DMRT1: variants seen among roughly 807,000 people sequenced by gnomAD.
The protein encoded by DMRT1 is doublesex and mab-3 related transcription factor 1.
Under a neutral mutation model 32.3 loss-of-function variants are expected in DMRT1, and 7 were observed. That is an observed-to-expected ratio of 0.22 (90% confidence interval 0.12 to 0.41). DMRT1 has a LOEUF of 0.41. Among genes scored for constraint, DMRT1 ranks in the 10% least tolerant of loss-of-function variants. The probability of loss-of-function intolerance (pLI) is 1.00; values close to 1 mark genes in which losing one functional copy is unlikely to be tolerated. For synonymous variants in DMRT1, 278 were observed against 206.1 expected (o/e 1.35, Z -2.99); for missense variants, 625 against 500.5 (o/e 1.25, Z -2.37).
intron 2 of DMRT1, among the ~76,000 whole-genome samples, chr9:861,423 T>G (rs1182015559): frequency 6.6e-6 from 1 of 150,582 alleles, no homozygotes; most frequent in African/African-American, 2.5e-5. Flanking sequence ...GCAGAAGAAT[T>G]TTTCCTAGTA....
chr9:876,501 C>T (rs1022864633), intron 2 of DMRT1, among the ~76,000 whole-genome samples: 2 of 151,152 alleles, frequency 1.3e-5, no homozygotes, highest in South Asian at 2.1e-4. Context: ...TTCCAGGAAA[C>T]TGCTAGGTTG....
chr9:963,537 G>A (rs1819842201), intron 4 of DMRT1, among the ~76,000 whole-genome samples: 2 of 152,086 alleles, frequency 1.3e-5, no homozygotes, highest in African/African-American at 4.8e-5. Flanking sequence ...TAGAGTGCAG[G>A]CATGAACTGG....
chr9:851,959 T>C (rs1815159737), intron 2 of DMRT1, among the ~76,000 whole-genome samples: 1 of 133,772 alleles, frequency 7.5e-6, no homozygotes, highest in South Asian at 2.4e-4. Context: ...TTTTTTTTTT[T>C]GAGACAGTCT....
At chr9:885,908 G>C (rs1008835560) in intron 2 of DMRT1, among the ~76,000 whole-genome samples, 1 of 152,120 alleles carries the variant, frequency 6.6e-6, no homozygotes, top group African/African-American at 2.4e-5. Flanking sequence ...AAAGAGTGCT[G>C]CTAGCTTTCT....
rs796686608 is a variant in DMRT1 at position 922,323 on chromosome 9, G to C, written c.967+5416G>C. ...AGACTGTTTGAAGATCACTTGTCTA[G>C]TGCCCAGATGGAGGGTTGGCTTATA... On this transcript the variant is annotated intron_variant, in intron 4 of 4. Coordinates refer to ENST00000382276, the MANE Select transcript of DMRT1 (RefSeq NM_021951.3). Among the ~76,000 whole-genome samples, 8 of 152,274 alleles carry C rather than the reference G, an allele frequency of 5.3e-5. 1 individual carries two copies. The highest frequency in any genetic ancestry group is 1.9e-4 in the African/African-American group (8 of 41,566).
At chr9:873,811 A>G (rs999136973) in intron 2 of DMRT1, among the ~76,000 whole-genome samples, 1 of 152,206 alleles carries the variant, frequency 6.6e-6, no homozygotes, top group African/African-American at 2.4e-5. Flanking sequence ...CTAAGGCTAA[A>G]GATGACCTGC....
At chr9:954,279 C>G (rs934222820) in intron 4 of DMRT1, among the ~76,000 whole-genome samples, 9 of 152,104 alleles carry the variant, frequency 5.9e-5, no homozygotes, top group Non-Finnish European at 1.3e-4. Flanking sequence ...GGAAGCGTAA[C>G]AGCCACCAGG....
chr9:966,927 A>G (rs1819949005), intron 4 of DMRT1, among the ~76,000 whole-genome samples: 1 of 152,232 alleles, frequency 6.6e-6, no homozygotes, highest in South Asian at 2.1e-4. Context: ...ATTGATGAAC[A>G]CAAGCTGAAT....
chr9:917,019 A>T (rs1325248187), intron 4 of DMRT1, 112 bp downstream of exon 4: 1 of 1,206,242 alleles, frequency 8.3e-7, no homozygotes, highest in Admixed American at 1.7e-5. Context: ...TGGAAATTTT[A>T]TTGCTGTGTG....
chr9:946,143 T>G (rs1250530084), intron 4 of DMRT1, among the ~76,000 whole-genome samples: 1 of 152,026 alleles, frequency 6.6e-6, no homozygotes, highest in Non-Finnish European at 1.5e-5. Context: ...TTCTTTTTTT[T>G]TTTTGATGTG....
chr9:954,659 A>AT (rs1416193579), intron 4 of DMRT1, among the ~76,000 whole-genome samples: 2 of 151,604 alleles, frequency 1.3e-5, no homozygotes, highest in Non-Finnish European at 2.9e-5. Flanking sequence ...TATTATTATT[A>AT]TTTTTTAGAG....
At chr9:914,249 C>T (rs558912523) in intron 3 of DMRT1, among the ~76,000 whole-genome samples, 5 of 151,990 alleles carry the variant, frequency 3.3e-5, no homozygotes, top group East Asian at 1.9e-4. Flanking sequence ...GGCTGTTTTC[C>T]GAGTATAGCT....
At chr9:890,085 GTTTTTTTTTTT>G (rs35228255) in intron 2 of DMRT1, among the ~76,000 whole-genome samples, 2 of 103,002 alleles carry the variant, frequency 1.9e-5, no homozygotes, top group South Asian at 3.4e-4. Context: ...CACCAAACGT[GTTTTTTTTTTT>G]TTTTTTTTTT....
chr9:869,068 T>G (rs966596938), intron 2 of DMRT1, among the ~76,000 whole-genome samples: 1 of 152,196 alleles, frequency 6.6e-6, no homozygotes, highest in Admixed American at 6.5e-5. Context: ...AGCTTTTTTC[T>G]TAGTGCAGCT....
intron 4 of DMRT1, among the ~76,000 whole-genome samples, chr9:947,816 G>C (rs1215059420): frequency 6.6e-6 from 1 of 152,146 alleles, no homozygotes; most frequent in Non-Finnish European, 1.5e-5. Context: ...CTGAAGTCAA[G>C]TTTTATTATT....
At chr9:907,415 G>C (rs1366308695) in intron 3 of DMRT1, among the ~76,000 whole-genome samples, 1 of 152,140 alleles carries the variant, frequency 6.6e-6, no homozygotes, top group Non-Finnish European at 1.5e-5. Flanking sequence ...GATTTCTCAA[G>C]ATGAAGAAGG....
At chr9:916,942 T>G in intron 4 of DMRT1, 35 bp downstream of exon 4, 1 of 1,613,212 alleles carries the variant, frequency 6.2e-7, no homozygotes, top group Non-Finnish European at 8.5e-7. Flanking sequence ...GATTTGGGGT[T>G]GAGAGAGGAT....
chr9:907,203 AATT>A (rs1586600157), intron 3 of DMRT1, among the ~76,000 whole-genome samples: 1 of 152,212 alleles, frequency 6.6e-6, no homozygotes, highest in Non-Finnish European at 1.5e-5. Flanking sequence ...TTATTAACCA[AATT>A]TAAAAAATAC....
intron 4 of DMRT1, among the ~76,000 whole-genome samples, chr9:943,282 C>G (rs1042945275): frequency 1.3e-5 from 2 of 152,220 alleles, no homozygotes; most frequent in Non-Finnish European, 1.5e-5. Flanking sequence ...GCCCTTATCT[C>G]TCAATGAGGT....
Sources: allele counts gnomAD v4.1 joint callset (sites outside exome capture counted in the v4.1 genomes callset), GRCh38; gene constraint gnomAD v4.1.1; transcripts MANE v1.5; gene names NCBI Gene and HGNC (gene_info 2026-07-23, HGNC 2026-07-21).